TLL1: variants seen among roughly 807,000 people sequenced by gnomAD.
The protein encoded by TLL1 is tolloid-like protein 1.
In TLL1, 49 loss-of-function variants were observed where a neutral mutation model predicts 128.2. That is an observed-to-expected ratio of 0.38 (90% CI 0.30 to 0.48). The LOEUF (loss-of-function observed/expected upper bound fraction) is 0.48, where lower values mean the gene tolerates loss of function less well. Ranked by LOEUF, TLL1 falls within the 20% of genes least tolerant of loss-of-function variation. The pLI is 0.96. For missense variants in TLL1, 1,123 were observed against 1,242.0 expected, an observed-to-expected ratio of 0.90 and a Z score of 1.44; for synonymous variants, 454 against 418.8, an observed-to-expected ratio of 1.08 and a Z score of -1.03.
At chr4:165,945,001 G>A (rs1318244477) in intron 1 of TLL1, among the ~76,000 whole-genome samples, 1 of 151,582 alleles carries the variant, frequency 6.6e-6, no homozygotes, top group African/African-American at 2.4e-5. Flanking sequence ...ACAGGCATGG[G>A]TATAATAATC....
At chr4:166,031,376 T>G (rs1300970912) in intron 9 of TLL1, among the ~76,000 whole-genome samples, 25 of 147,546 alleles carry the variant, frequency 1.7e-4, no homozygotes, top group African/African-American at 5.5e-4. Context: ...TTTTTTTTTT[T>G]TTTTTTTTTT....
intron 7 of TLL1, among the ~76,000 whole-genome samples, chr4:166,009,115 T>C (rs1737566036): frequency 6.6e-6 from 1 of 151,534 alleles, no homozygotes; most frequent in Admixed American, 6.6e-5. Flanking sequence ...ACTGTCCAAA[T>C]GTTTATTTTT....
chr4:165,941,179 G>A (rs1002851626), intron 1 of TLL1, among the ~76,000 whole-genome samples: 2 of 151,944 alleles, frequency 1.3e-5, no homozygotes, highest in Admixed American at 6.6e-5. Context: ...TATGACTCGC[G>A]CTATTGCCTT....
rs1478640801 is a variant in TLL1, at chr4:166,051,291, C to T, written c.1525-3785C>T. ...CCTCCCTCCCTCCCTTCTTTCTTCC[C>T]TCCCTCCTTTCCTTCCTTCCTTCCT... On this transcript the variant is annotated intron_variant, in intron 12 of 20. Transcript: ENST00000061240. Among the ~76,000 whole-genome samples the T allele has an allele frequency of 5.6e-4, 68 of 120,820 alleles. 1 individual carries two copies. Among genetic ancestry groups the T allele is most frequent in the Non-Finnish European group, 1.0e-3 (61 of 61,194 alleles). The allele number at this position is 120,820 out of a possible 152,430, so 79.3% of individuals were successfully genotyped here. A position where few individuals can be genotyped will look rare whatever the true frequency, so the allele number is the denominator to read the frequency against.
Position 165,873,918 on chromosome 4 carries a change from C to A in TLL1, c.14C>A (p.Thr5Lys), listed in dbSNP as rs374302420. 793 of 1,613,996 alleles carry A rather than the reference C, an allele frequency of 4.9e-4. 1 individual carries two copies. The highest frequency in any genetic ancestry group is 6.6e-4 in the Non-Finnish European group (778 of 1,180,018). ...CGGGGGAGGAGGATGGGGTTGGGAA[C>A]GCTTTCCCCGAGGATGCTCGTGTGG... MGLG[T>K]LSPRMLVWLV... Residue 5 changes from threonine to lysine, a missense_variant, in exon 1 of 21, where the codon ACG (threonine) becomes AAG (lysine). Transcript: ENST00000061240.
At chr4:165,978,225 G>T (rs1369018422) in intron 1 of TLL1, among the ~76,000 whole-genome samples, 2 of 151,658 alleles carry the variant, frequency 1.3e-5, no homozygotes, top group African/African-American at 4.8e-5. Context: ...GGAGTTTTTT[G>T]GGTGCCAGTG....
chr4:165,948,939 G>C (rs182541805), intron 1 of TLL1, among the ~76,000 whole-genome samples: 2 of 152,044 alleles, frequency 1.3e-5, no homozygotes, highest in Non-Finnish European at 1.5e-5. Context: ...CCTCTCTTCT[G>C]GTTATTCAAT....
intron 1 of TLL1, among the ~76,000 whole-genome samples, chr4:165,958,614 C>G: frequency 6.9e-6 from 1 of 144,138 alleles, no homozygotes; most frequent in East Asian, 2.0e-4. Flanking sequence ...GATATTAGCC[C>G]TTTGTCAGAT....
At chr4:165,978,679 A>G (rs1057036592) in intron 1 of TLL1, among the ~76,000 whole-genome samples, 11 of 152,210 alleles carry the variant, frequency 7.2e-5, no homozygotes, top group Admixed American at 7.2e-4. Flanking sequence ...CTTTGTGGCT[A>G]TGCCACCAAA....
At chr4:165,946,528 C>G (rs1472167931) in intron 1 of TLL1, among the ~76,000 whole-genome samples, 1 of 132,496 alleles carries the variant, frequency 7.5e-6, no homozygotes, top group Non-Finnish European at 1.6e-5. Context: ...TTTGTAGAGA[C>G]GAGGTTTTCC....
chr4:166,060,666 G>A (rs1480100767), intron 15 of TLL1, among the ~76,000 whole-genome samples: 1 of 152,154 alleles, frequency 6.6e-6, no homozygotes, highest in Admixed American at 6.6e-5. Context: ...TTTAACCTCA[G>A]TAAAAGATGT....
intron 1 of TLL1, among the ~76,000 whole-genome samples, chr4:165,977,001 G>T (rs1735914828): frequency 6.6e-6 from 1 of 152,054 alleles, no homozygotes; most frequent in Non-Finnish European, 1.5e-5. Flanking sequence ...TGTGGCCCAG[G>T]GAAGCCAAAA....
intron 1 of TLL1, among the ~76,000 whole-genome samples, chr4:165,967,206 G>A (rs530035725): frequency 5.3e-5 from 8 of 152,240 alleles, no homozygotes; most frequent in South Asian, 4.2e-4. Flanking sequence ...TATCTCCCTC[G>A]TTCCCTGAAA....
intron 5 of TLL1, 131 bp downstream of exon 5, chr4:165,995,309 C>A (rs1171005308): frequency 5.4e-6 from 4 of 742,504 alleles, no homozygotes; most frequent in South Asian, 4.5e-5. Context: ...CTGGATTTTC[C>A]ATAAAAATAT....
At chr4:166,017,869 A>G (rs1738025913) in intron 8 of TLL1, among the ~76,000 whole-genome samples, 1 of 152,142 alleles carries the variant, frequency 6.6e-6, no homozygotes, top group Admixed American at 6.6e-5. Flanking sequence ...ACTTATCAGG[A>G]TAAGGACAAT....
At chr4:165,972,926 G>A (rs1418278588) in intron 1 of TLL1, among the ~76,000 whole-genome samples, 1 of 152,098 alleles carries the variant, frequency 6.6e-6, no homozygotes, top group African/African-American at 2.4e-5. Context: ...TTTGTATGAA[G>A]TATAGTCATC....
intron 1 of TLL1, among the ~76,000 whole-genome samples, chr4:165,904,714 A>G (rs1467591564): frequency 1.3e-5 from 2 of 152,228 alleles, no homozygotes; most frequent in African/African-American, 4.8e-5. Flanking sequence ...TCAATAAATG[A>G]AAATGTGAGC....
At position 166,102,299 on chromosome 4, in the gene TLL1, T is replaced by C. The variant is rs1351983219; in HGVS notation, c.*1423T>C. 6.6e-6 allele frequency: 1 copy of C among 152,490 alleles called. No homozygotes were observed. Among genetic ancestry groups the C allele is most frequent in the Non-Finnish European group, 1.5e-5 (1 of 67,956 alleles). 9.4% of individuals were successfully genotyped at this position (152,490 alleles called of 1,614,324 possible). A position where few individuals can be genotyped will look rare whatever the true frequency, so the allele number is the denominator to read the frequency against. On this transcript the variant is annotated 3_prime_UTR_variant, in exon 21 of 21. Coordinates refer to ENST00000061240, the MANE Select transcript of TLL1 (RefSeq NM_012464.5). ...TATAAATATGGTGTCCTGCTTTTTT[T>C]GTAGAAAATGTAATTTGAGGATGAA...
chr4:165,891,647 A>G (rs1343701332), intron 1 of TLL1, among the ~76,000 whole-genome samples: 1 of 152,138 alleles, frequency 6.6e-6, no homozygotes, highest in Non-Finnish European at 1.5e-5. Context: ...TCTCATCTCC[A>G]TCTGAGATCA....
Sources: gnomAD v4.1 joint callset for allele counts (sites outside exome capture counted in the v4.1 genomes callset) on GRCh38, gnomAD v4.1.1 for gene constraint, MANE v1.5 for transcripts, NCBI Gene and HGNC (gene_info 2026-07-23, HGNC 2026-07-21) for gene names.